PSMC2: variants seen among roughly 807,000 people sequenced by gnomAD.
The protein encoded by PSMC2 is proteasome 26S subunit, ATPase 2.
In PSMC2, 7 loss-of-function variants were observed where a neutral mutation model predicts 53.3. The observed-to-expected ratio is 0.13, with a 90% CI of 0.07 to 0.25. The LOEUF is 0.25. PSMC2 is among the 10% of genes least tolerant of loss of function. The pLI is 1.00. For synonymous variants in PSMC2, 169 were observed against 183.9 expected (o/e 0.92, Z 0.66); for missense variants, 241 against 544.0 (o/e 0.44, Z 5.54).
chr7:103,359,138 CTTTTTTTTTTTTTTT>C (rs35936603), intron 4 of PSMC2, among the ~76,000 whole-genome samples: 76 of 31,342 alleles, frequency 2.4e-3, no homozygotes, highest in South Asian at 3.7e-3. Flanking sequence ...CCATGTCTGG[CTTTTTTTTTTTTTTT>C]TTTTTTTTTT....
chr7:103,352,325 GT>G (rs1401429103), intron 1 of PSMC2, among the ~76,000 whole-genome samples: 2 of 141,354 alleles, frequency 1.4e-5, no homozygotes, highest in African/African-American at 5.2e-5. Flanking sequence ...ATTCTATAAA[GT>G]TGCTGTGAAT....
chr7:103,353,373 T>C (rs1819836295), intron 1 of PSMC2, among the ~76,000 whole-genome samples: 1 of 152,082 alleles, frequency 6.6e-6, no homozygotes. Flanking sequence ...GTGATGTGAT[T>C]TGGGCTCACT....
chr7:103,354,077 C>G (rs765710021), intron 2 of PSMC2, 119 bp downstream of exon 2: 3 of 742,612 alleles, frequency 4.0e-6, no homozygotes, highest in Non-Finnish European at 6.3e-6. Context: ...AAAAACCAAA[C>G]AAAAAATAAA....
chr7:103,350,014 A>G (rs1481647825), intron 1 of PSMC2, among the ~76,000 whole-genome samples: 2 of 152,170 alleles, frequency 1.3e-5, no homozygotes, highest in African/African-American at 4.8e-5. Flanking sequence ...AGGAAGTGGT[A>G]TCAATTTTTG....
At chr7:103,363,531 T>C (rs1820529932) in intron 7 of PSMC2, 92 bp downstream of exon 7, 1 of 1,141,438 alleles carries the variant, frequency 8.8e-7, no homozygotes, top group African/African-American at 1.5e-5. Flanking sequence ...AGATGGCTTT[T>C]AATATTTTCC....
At chr7:103,352,453 A>G (rs1240687392) in intron 1 of PSMC2, among the ~76,000 whole-genome samples, 1 of 135,344 alleles carries the variant, frequency 7.4e-6, no homozygotes, top group African/African-American at 2.8e-5. Context: ...TTTGTTACCT[A>G]GGTGGAAGTG....
chr7:103,365,554 A>G (rs550772697), intron 8 of PSMC2, among the ~76,000 whole-genome samples: 15 of 152,340 alleles, frequency 9.8e-5, no homozygotes, highest in African/African-American at 2.9e-4. Context: ...GCTTGAACCC[A>G]GAAGGCGAAG....
chr7:103,363,308 G>A (rs566030909), intron 6 of PSMC2, 36 bp from the exon 7 acceptor site: 2 of 1,526,676 alleles, frequency 1.3e-6, no homozygotes, highest in African/African-American at 2.7e-5. Flanking sequence ...CAAAAAGCCT[G>A]TGACTGTATG....
At chr7:103,360,887 G>A (rs1313676400) in intron 4 of PSMC2, among the ~76,000 whole-genome samples, 1 of 152,008 alleles carries the variant, frequency 6.6e-6, no homozygotes, top group East Asian at 1.9e-4. Context: ...CGAAGCAGGT[G>A]GATCACTTGA....
chr7:103,360,878 G>A (rs542403754), intron 4 of PSMC2, among the ~76,000 whole-genome samples: 12 of 152,236 alleles, frequency 7.9e-5, no homozygotes, highest in Middle Eastern at 3.4e-3. Flanking sequence ...TTGGGAGGCC[G>A]AAGCAGGTGG....
chr7:103,353,869 A>T, intron 1 of PSMC2, 52 bp from the exon 2 acceptor site: 4 of 1,507,502 alleles, frequency 2.7e-6, no homozygotes, highest in African/African-American at 2.8e-5. Flanking sequence ...TTTTTTAAAA[A>T]TTTTAATTCT....
At chr7:103,354,465 T>C (rs2116149586) in intron 2 of PSMC2, among the ~76,000 whole-genome samples, 1 of 149,254 alleles carries the variant, frequency 6.7e-6, no homozygotes, top group Non-Finnish European at 1.5e-5. Context: ...GCCTCCTGGG[T>C]TCAAGCGATT....
chr7:103,349,507 G>A (rs1365540571), intron 1 of PSMC2, among the ~76,000 whole-genome samples: 1 of 151,818 alleles, frequency 6.6e-6, no homozygotes, highest in African/African-American at 2.4e-5. Flanking sequence ...GGAGTGCAGA[G>A]ATGTGATCTC....
At position 103,368,170 on chromosome 7, in the gene PSMC2, T is replaced by G. The variant is rs1292865026; in HGVS notation, c.*116T>G. 1 of 888,780 alleles carries G rather than the reference T, an allele frequency of 1.1e-6. No individual in the cohort carries two copies. The highest frequency in any genetic ancestry group is 1.7e-6 in the Non-Finnish European group (1 of 606,000). The allele number at this position is 888,780 out of a possible 1,614,324, so 55.1% of individuals were successfully genotyped here. On this transcript the variant is annotated 3_prime_UTR_variant, in exon 12 of 12. Coordinates refer to ENST00000292644, the MANE Select transcript of PSMC2 (RefSeq NM_002803.4). The stretch of plus-strand genomic sequence containing the variant: ...TCAAAATTGTATGCTTTTTTCCATA[T>G]CTCTTCTTGTAATATAATAAAAGGT...
rs1820862665 is a variant in PSMC2 at position 103,368,832 on chromosome 7, T to C, written c.*778T>C. 2.0e-5 allele frequency: 3 copies of C among 152,236 alleles called. No homozygotes were observed. The highest frequency in any genetic ancestry group is 2.0e-4 in the Admixed American group (3 of 15,272). 9.4% of individuals were successfully genotyped at this position (152,236 alleles called of 1,614,324 possible). A position where few individuals can be genotyped will look rare whatever the true frequency, so the allele number is the denominator to read the frequency against. On this transcript the variant is annotated 3_prime_UTR_variant, in exon 12 of 12. Transcript: ENST00000292644. ...TCATACAGAAAAGTGATTACTTTCA[T>C]TTTACAAATTACTTTAAAATTTTGG...
At chr7:103,348,421 AAATT>A (rs749396625) in intron 1 of PSMC2, among the ~76,000 whole-genome samples, 2 of 152,238 alleles carry the variant, frequency 1.3e-5, no homozygotes, top group Non-Finnish European at 2.9e-5. Flanking sequence ...GATTTTTAAA[AAATT>A]AATATATATT....
At chr7:103,362,111 ATACTT>A in intron 5 of PSMC2, 23 bp downstream of exon 5, 1 of 1,611,138 alleles carries the variant, frequency 6.2e-7, no homozygotes, top group South Asian at 1.1e-5. Flanking sequence ...TTTACAATAA[ATACTT>A]TTCTTTCACT....
At chr7:103,366,977 G>GT (rs970782055) in intron 9 of PSMC2, among the ~76,000 whole-genome samples, 2 of 152,068 alleles carry the variant, frequency 1.3e-5, no homozygotes, top group African/African-American at 4.8e-5. Context: ...GCTAATTTTT[G>GT]TATTTTTAGT....
intron 5 of PSMC2, 83 bp downstream of exon 5, chr7:103,362,171 A>C (rs977767119): frequency 1.1e-5 from 18 of 1,576,718 alleles, no homozygotes; most frequent in Non-Finnish European, 1.5e-5. Context: ...GTAGTGAATA[A>C]ATGGACTGAG....
Sources: gnomAD v4.1 joint callset for allele counts (sites outside exome capture counted in the v4.1 genomes callset) on GRCh38, gnomAD v4.1.1 for gene constraint, MANE v1.5 for transcripts, NCBI Gene and HGNC (gene_info 2026-07-23, HGNC 2026-07-21) for gene names.